The following USP6NL variants were observed in gnomAD, a reference collection of about 807,000 sequenced individuals.
USP6NL encodes USP6 N-terminal like, also known as USP6 N-terminal-like protein.
A neutral mutation model predicts 61.9 loss-of-function variants in USP6NL; 26 were observed. The observed-to-expected ratio is 0.42, with a 90% CI of 0.31 to 0.58. The LOEUF (loss-of-function observed/expected upper bound fraction) is 0.58, where lower values mean the gene tolerates loss of function less well. Ranked by LOEUF, USP6NL falls within the 20% of genes least tolerant of loss-of-function variation. The probability of loss-of-function intolerance (pLI) is 0.16; values close to 1 mark genes in which losing one functional copy is unlikely to be tolerated. For synonymous variants in USP6NL, 432 were observed against 390.1 expected, an observed-to-expected ratio of 1.11 and a Z score of -1.27; for missense variants, 1,114 against 1,034.3, an observed-to-expected ratio of 1.08 and a Z score of -1.06.
chr10:11,523,465 T>C (rs1231184052), intron 4 of USP6NL, among the ~76,000 whole-genome samples: 1 of 152,250 alleles, frequency 6.6e-6, no homozygotes, highest in Non-Finnish European at 1.5e-5. Context: ...TAGTTTTTTC[T>C]TAAAATTCAT....
intron 14 of USP6NL, among the ~76,000 whole-genome samples, chr10:11,466,661 T>C (rs1832466590): frequency 1.3e-5 from 2 of 152,334 alleles, no homozygotes; most frequent in South Asian, 4.1e-4. Context: ...GACAGGCATA[T>C]GTTCTGAGAA....
rs1835030848 is a variant in USP6NL at position 11,518,006 on chromosome 10, T to C, written c.195+529A>G. Among the ~76,000 whole-genome samples, 1 of 152,236 alleles carries C rather than the reference T, an allele frequency of 6.6e-6. No homozygotes were observed. The highest frequency in any genetic ancestry group is 1.5e-5 in the Non-Finnish European group (1 of 68,040). On this transcript the variant is annotated intron_variant, in intron 5 of 14. Transcript: ENST00000609104. The surrounding 1 kb of genome is among the most constrained non-coding windows in gnomAD (Gnocchi z 5.3). ...GCTATGTATAACGAGGAAAGATTTT[T>C]AAATGTTGACAAGTTTACTATGTAA...
At chr10:11,479,099 AGTTGTACCCATAAGCAC>A (rs1341806275) in intron 14 of USP6NL, among the ~76,000 whole-genome samples, 1 of 152,220 alleles carries the variant, frequency 6.6e-6, no homozygotes, top group Non-Finnish European at 1.5e-5. Flanking sequence ...ATCTCAATGA[AGTTGTACCCATAAGCAC>A]TGAAAACATA....
rs114293851 is a variant in USP6NL, at chr10:11,511,830, C to T, written c.196-2155G>A. Among the ~76,000 whole-genome samples the T allele has an allele frequency of 4.3e-5, 3 of 69,892 alleles. No homozygotes were observed. The highest frequency in any genetic ancestry group is 6.1e-5 in the Non-Finnish European group (2 of 32,976). The allele number at this position is 69,892 out of a possible 152,430, so 45.9% of individuals were successfully genotyped here. On this transcript the variant is annotated intron_variant, in intron 5 of 14. Transcript: ENST00000609104. The surrounding 1 kb of genome is among the most constrained non-coding windows in gnomAD (Gnocchi z 4.9). ...ATAAAATAAAATAATATATATTATACACACACACACACACACACACCCCTT... is the reference window on the plus strand; with the variant it reads ...ATAAAATAAAATAATATATATTATATACACACACACACACACACACCCCTT...
At position 11,540,639 on chromosome 10, in the gene USP6NL, G is replaced by A. The variant is rs1395503435; in HGVS notation, c.5-13072C>T. 6.6e-6 allele frequency among the ~76,000 whole-genome samples: 1 copy of A among 152,136 alleles called. No homozygotes were observed. The highest frequency in any genetic ancestry group is 1.5e-5 in the Non-Finnish European group (1 of 68,014). On this transcript the variant is annotated intron_variant, in intron 2 of 14. Coordinates refer to ENST00000609104, the MANE Select transcript of USP6NL (RefSeq NM_014688.5). The surrounding 1 kb of genome is among the most constrained non-coding windows in gnomAD (Gnocchi z 5.0). ...AATTCTTGCAGACCAGATATAAGAA[G>A]ATAATTCATAGACTGCCCACTCTGA...
chr10:11,531,137 G>A (rs1835640374), intron 2 of USP6NL, among the ~76,000 whole-genome samples: 1 of 152,138 alleles, frequency 6.6e-6, no homozygotes, highest in Admixed American at 6.5e-5. Flanking sequence ...TGCTCTCGTT[G>A]CATGACAAAT....
chr10:11,473,325 A>C (rs1832833706), intron 14 of USP6NL, among the ~76,000 whole-genome samples: 1 of 152,190 alleles, frequency 6.6e-6, no homozygotes, highest in Non-Finnish European at 1.5e-5. Context: ...CTTTCTGTCT[A>C]ATAGAGACAT....
intron 2 of USP6NL, among the ~76,000 whole-genome samples, chr10:11,536,686 A>G (rs1835845871): frequency 6.6e-6 from 1 of 152,108 alleles, no homozygotes; most frequent in East Asian, 1.9e-4. Context: ...TCATATTTCC[A>G]TTATTTAAGG....
chr10:11,586,091 C>T (rs1219819307), intron 2 of USP6NL, among the ~76,000 whole-genome samples: 2 of 152,078 alleles, frequency 1.3e-5, no homozygotes, highest in African/African-American at 4.8e-5. Context: ...GTGTACTTTA[C>T]CATAATTTTT....
Position 11,463,709 on chromosome 10 carries a change from C to T in USP6NL, c.1219G>A (p.Ala407Thr). The change falls in exon 15 of 15, where the codon GCG (alanine) becomes ACG (threonine). Residue 407 changes from alanine to threonine, a missense_variant. Ala to Thr is a moderately conservative substitution (Grantham distance 58). Coordinates refer to ENST00000609104, the MANE Select transcript of USP6NL (RefSeq NM_014688.5). The surrounding 1 kb of genome is among the most constrained non-coding windows in gnomAD (Gnocchi z 6.3). ...PLASGRRESGAPHRRHEHSPH... is the reference protein window; with the variant it reads ...PLASGRRESGTPHRRHEHSPH... ...GAGTGCTCGTGCCTCCTGTGGGGCG[C>T]CCCGCTCTCCCTCCTGCCGCTGGCC... The T allele has an allele frequency of 6.2e-7, 1 of 1,611,374 alleles. No homozygotes were observed. The highest frequency in any genetic ancestry group is 8.5e-7 in the Non-Finnish European group (1 of 1,178,422).
intron 7 of USP6NL, among the ~76,000 whole-genome samples, 175 bp from the exon 8 acceptor site, chr10:11,493,403 C>A (rs900408978): frequency 5.9e-5 from 9 of 152,194 alleles, no homozygotes; most frequent in Admixed American, 5.2e-4. Flanking sequence ...TCCCTCCCCT[C>A]CATTCCCCCA....
rs935106170 is a variant in USP6NL at position 11,540,372 on chromosome 10, C to T, written c.5-12805G>A. On this transcript the variant is annotated intron_variant, in intron 2 of 14. Transcript: ENST00000609104. This position sits in a 1 kb window ranked among gnomAD's most constrained non-coding sequence, Gnocchi z 5.0. ...TGTAAAAATTTGACACAATAATCATCAAATGACACTGAACTTTACTAAAAC... is the reference window on the plus strand; with the variant it reads ...TGTAAAAATTTGACACAATAATCATTAAATGACACTGAACTTTACTAAAAC... Among the ~76,000 whole-genome samples, 1 of 152,156 alleles carries T rather than the reference C, an allele frequency of 6.6e-6. No homozygotes were observed. The highest frequency in any genetic ancestry group is 1.5e-5 in the Non-Finnish European group (1 of 68,008).
In USP6NL at chr10:11,581,796, G is replaced by A. The variant is rs1014559429; in HGVS notation, c.4+15835C>T. ...TTGTTTGTTTGCTTGTTTTTGAGAC[G>A]GAGTCTCATTCTGTCGCCCAGGCTG... On this transcript the variant is annotated intron_variant, in intron 2 of 14. Transcript: ENST00000609104. Among the ~76,000 whole-genome samples, 15 of 152,190 alleles carry A rather than the reference G, an allele frequency of 9.9e-5. 1 individual carries two copies. The highest frequency in any genetic ancestry group is 6.2e-4 in the South Asian group (3 of 4,822).
chr10:11,593,527 T>C (rs1838224079), intron 2 of USP6NL, among the ~76,000 whole-genome samples: 2 of 152,216 alleles, frequency 1.3e-5, no homozygotes, highest in African/African-American at 2.4e-5. Context: ...GCAAGTGTGA[T>C]AAATGTTAAT....
intron 2 of USP6NL, among the ~76,000 whole-genome samples, chr10:11,557,304 A>G (rs535309675): frequency 2.0e-5 from 3 of 152,332 alleles, no homozygotes; most frequent in East Asian, 3.9e-4. Context: ...TAGTCATAAA[A>G]AGAGACAAAT....
rs1207749077 is a variant in USP6NL at position 11,611,584 on chromosome 10, G to A, written c.-225C>T. The A allele has an allele frequency of 6.5e-6, 1 of 153,820 alleles. No individual in the cohort carries two copies. Among genetic ancestry groups the A allele is most frequent in the Non-Finnish European group, 1.5e-5 (1 of 68,226 alleles). 9.5% of individuals were successfully genotyped at this position (153,820 alleles called of 1,614,324 possible). On this transcript the variant is annotated 5_prime_UTR_variant, in exon 1 of 15. Coordinates refer to ENST00000609104, the MANE Select transcript of USP6NL (RefSeq NM_014688.5). This position sits in a 1 kb window ranked among gnomAD's most constrained non-coding sequence, Gnocchi z 5.3. ...CCGCCCCATTGTTTCCCTTCCAAGA[G>A]GATCCCGGCGAAGCCGAGCCCGGGA... is the stretch of plus-strand genomic sequence containing the variant.
At chr10:11,569,588 G>A (rs1036379178) in intron 2 of USP6NL, among the ~76,000 whole-genome samples, 2 of 152,174 alleles carry the variant, frequency 1.3e-5, no homozygotes, top group African/African-American at 4.8e-5. Context: ...TTTTTGGCAG[G>A]AGTGGCACTG....
At chr10:11,524,148 C>T (rs1239135313) in intron 4 of USP6NL, among the ~76,000 whole-genome samples, 2 of 152,094 alleles carry the variant, frequency 1.3e-5, no homozygotes, top group Admixed American at 6.5e-5. Flanking sequence ...AGTTCAAAGG[C>T]TTCTGATTAT....
rs1470316934 is a variant in USP6NL at position 11,481,877 on chromosome 10, T to C, written c.971A>G (p.Gln324Arg). 1 of 1,611,722 alleles carries C rather than the reference T, an allele frequency of 6.2e-7. No individual in the cohort carries two copies. Among genetic ancestry groups the C allele is most frequent in the East Asian group, 2.2e-5 (1 of 44,854 alleles). Reference protein sequence around the residue: ...LSMEELVEFFQETLAKDFFFE... With the variant: ...LSMEELVEFFRETLAKDFFFE... The stretch of plus-strand genomic sequence containing the variant: ...GAAAAAATCCTTTGCCAGGGTCTCC[T>C]GAAAAAATTCTACAAGTTCTTCCAT... The change falls in exon 14 of 15, where the codon CAG (glutamine) becomes CGG (arginine). Residue 324 changes from glutamine to arginine, a missense_variant. Transcript: ENST00000609104. The surrounding 1 kb of genome is among the most constrained non-coding windows in gnomAD (Gnocchi z 4.4).
Sources: gnomAD v4.1 joint callset for allele counts (sites outside exome capture counted in the v4.1 genomes callset) on GRCh38, gnomAD v4.1.1 for gene constraint, Gnocchi (gnomAD v3.1) non-coding constraint, MANE v1.5 for transcripts, NCBI Gene and HGNC (gene_info 2026-07-23, HGNC 2026-07-21) for gene names.